Variants in TIAM1 observed in about 807,000 individuals in gnomAD.
TIAM1 encodes the protein rho guanine nucleotide exchange factor TIAM1.
In TIAM1, 65 loss-of-function variants were observed where a neutral mutation model predicts 163.5. That is an observed-to-expected ratio of 0.40 (90% CI 0.33 to 0.49). The LOEUF (loss-of-function observed/expected upper bound fraction) is 0.49, where lower values mean the gene tolerates loss of function less well. Ranked by LOEUF, TIAM1 falls within the 20% of genes least tolerant of loss-of-function variation. The probability of loss-of-function intolerance (pLI) is 0.77; values close to 1 mark genes in which losing one functional copy is unlikely to be tolerated. For missense variants in TIAM1, 1,789 were observed against 2,044.7 expected, an observed-to-expected ratio of 0.87 and a Z score of 2.41; for synonymous variants, 833 against 810.1, an observed-to-expected ratio of 1.03 and a Z score of -0.48.
At chr21:31,342,144 A>G (rs1160492008) in intron 1 of TIAM1, among the ~76,000 whole-genome samples, 3 of 152,048 alleles carry the variant, frequency 2.0e-5, no homozygotes, top group Non-Finnish European at 4.4e-5. Context: ...TCTATTAAAC[A>G]AATTTACAAT....
chr21:31,505,803 G>A (rs879725324), intron 1 of TIAM1, among the ~76,000 whole-genome samples: 5 of 151,972 alleles, frequency 3.3e-5, no homozygotes, highest in African/African-American at 4.8e-5. Flanking sequence ...TCGGGAGTTC[G>A]AGACGAGCAT....
chr21:31,403,142 G>C (rs891095399), intron 2 of TIAM1, among the ~76,000 whole-genome samples: 7 of 152,014 alleles, frequency 4.6e-5, no homozygotes, highest in Admixed American at 1.3e-4. Flanking sequence ...TAAGTATAAA[G>C]ATGATATACT....
intron 2 of TIAM1, among the ~76,000 whole-genome samples, chr21:31,316,747 G>A (rs1386681825): frequency 6.6e-6 from 1 of 152,200 alleles, no homozygotes; most frequent in African/African-American, 2.4e-5. Flanking sequence ...CAACAGAGGA[G>A]AGAGTTTGGG....
intron 2 of TIAM1, among the ~76,000 whole-genome samples, chr21:31,296,315 A>G (rs1191239482): frequency 2.6e-5 from 4 of 152,182 alleles, no homozygotes; most frequent in Non-Finnish European, 5.9e-5. Context: ...GCACACCTCA[A>G]AAGGTTTAAA....
chr21:31,506,609 G>C (rs575207650), intron 1 of TIAM1, among the ~76,000 whole-genome samples: 1 of 152,306 alleles, frequency 6.6e-6, no homozygotes, highest in South Asian at 2.1e-4. Flanking sequence ...CCATGTTGTA[G>C]CATGTGTCAG....
intron 14 of TIAM1, among the ~76,000 whole-genome samples, chr21:31,186,686 T>C (rs2085321037): frequency 6.6e-6 from 1 of 151,500 alleles, no homozygotes; most frequent in African/African-American, 2.4e-5. Context: ...GGGGCTGAGG[T>C]GAGAGGGTGG....
rs550000579 is a variant in TIAM1 at position 31,383,048 on chromosome 21, T to C, written c.-368-43626A>G. 3.3e-5 allele frequency among the ~76,000 whole-genome samples: 5 copies of C among 152,244 alleles called. 1 individual carries two copies. In the South Asian group the frequency reaches 1.0e-3, roughly 32 times the overall value. The stretch of plus-strand genomic sequence containing the variant: ...TGAGGTCAGGAGTTCAAGACCAACC[T>C]GGCCAACATGGTGAAACCCCGTCTC... On this transcript the variant is annotated intron_variant, in intron 2 of 28. Transcript: ENST00000286827.
intron 1 of TIAM1, among the ~76,000 whole-genome samples, chr21:31,519,250 A>T (rs2047486537): frequency 6.8e-6 from 1 of 146,824 alleles, no homozygotes; most frequent in South Asian, 2.2e-4. Flanking sequence ...GGTTGCGGTG[A>T]GCCGAGATCG....
At position 31,141,623 on chromosome 21, in the gene TIAM1, G is replaced by T; in HGVS notation, c.3476-119C>A. On this transcript the variant is annotated intron_variant, in intron 20 of 27. Transcript: ENST00000541036. This position sits in a 1 kb window ranked among gnomAD's most constrained non-coding sequence, Gnocchi z 4.7. ...TTTTTGCAGGACTGAGCAGAGAGTG[G>T]GTGGCAGGAAGAGGGACAGGTAGGG... The T allele has an allele frequency of 8.5e-7, 1 of 1,175,888 alleles. No homozygotes were observed. The highest frequency in any genetic ancestry group is 1.2e-6 in the Non-Finnish European group (1 of 829,912). The allele number at this position is 1,175,888 out of a possible 1,614,324, so 72.8% of individuals were successfully genotyped here.
At chr21:31,208,099 C>G (rs886457836) in intron 11 of TIAM1, among the ~76,000 whole-genome samples, 2 of 152,206 alleles carry the variant, frequency 1.3e-5, no homozygotes, top group Admixed American at 1.3e-4. Flanking sequence ...ACTACATTAT[C>G]TAGATATGGT....
intron 8 of TIAM1, among the ~76,000 whole-genome samples, chr21:31,218,098 C>T (rs531821798): frequency 3.0e-4 from 45 of 152,232 alleles, no homozygotes; most frequent in African/African-American, 9.6e-4. Flanking sequence ...GGTGCTAAAG[C>T]GTCAGCAACA....
chr21:31,487,686 T>C (rs539726092), intron 1 of TIAM1, among the ~76,000 whole-genome samples: 41 of 151,502 alleles, frequency 2.7e-4, no homozygotes, highest in Non-Finnish European at 4.1e-4. Context: ...GCCTCCCAAG[T>C]AGCTGGGACT....
chr21:31,181,310 AAG>A (rs1423965598), intron 15 of TIAM1, among the ~76,000 whole-genome samples: 1 of 152,168 alleles, frequency 6.6e-6, no homozygotes, highest in Non-Finnish European at 1.5e-5. Context: ...TTTAGGCGAA[AAG>A]AGAGACACAA....
At chr21:31,439,579 C>G (rs2044346533) in intron 2 of TIAM1, among the ~76,000 whole-genome samples, 1 of 152,218 alleles carries the variant, frequency 6.6e-6, no homozygotes, top group Non-Finnish European at 1.5e-5. Flanking sequence ...CATGGGCCAC[C>G]ACACCCATAC....
At chr21:31,337,825 C>G (rs368872415) in intron 2 of TIAM1, among the ~76,000 whole-genome samples, 6 of 151,950 alleles carry the variant, frequency 3.9e-5, no homozygotes, top group Non-Finnish European at 5.9e-5. Flanking sequence ...CCACCACACC[C>G]GGCCTATTAT....
chr21:31,293,101 G>A (rs918978635), intron 2 of TIAM1, among the ~76,000 whole-genome samples: 1 of 152,192 alleles, frequency 6.6e-6, no homozygotes, highest in South Asian at 2.1e-4. Flanking sequence ...TGGGACTACA[G>A]GTGTGAGCCA....
intron 1 of TIAM1, among the ~76,000 whole-genome samples, chr21:31,528,247 G>A (rs1337338248): frequency 6.6e-6 from 1 of 152,158 alleles, no homozygotes; most frequent in Non-Finnish European, 1.5e-5. Flanking sequence ...AGGCACAGTG[G>A]CTCATCCCTA....
intron 1 of TIAM1, among the ~76,000 whole-genome samples, chr21:31,484,785 C>T (rs1287527063): frequency 2.0e-5 from 3 of 152,178 alleles, no homozygotes; most frequent in East Asian, 1.9e-4. Flanking sequence ...AATGTTTGTG[C>T]CCCACCTCTC....
At chr21:31,164,889 T>A in intron 16 of TIAM1, 73 bp downstream of exon 16, 1 of 1,459,230 alleles carries the variant, frequency 6.9e-7, no homozygotes, top group East Asian at 2.3e-5. Context: ...CACATACAGC[T>A]GTGTAGGTGA....
Sources: allele counts gnomAD v4.1 joint callset (sites outside exome capture counted in the v4.1 genomes callset), GRCh38; gene constraint gnomAD v4.1.1; non-coding constraint Gnocchi (gnomAD v3.1); transcripts MANE v1.5; gene names NCBI Gene and HGNC (gene_info 2026-07-23, HGNC 2026-07-21).